Variants in CCNJL observed in about 807,000 individuals in gnomAD.
CCNJL encodes the protein cyclin-J-like protein.
Under a neutral mutation model 33.4 loss-of-function variants are expected in CCNJL, and 33 were observed. That is an observed-to-expected ratio of 0.99 (90% CI 0.75 to 1.32). The LOEUF (loss-of-function observed/expected upper bound fraction) is 1.32. CCNJL is among the 40% of genes most tolerant of loss of function. The probability of loss-of-function intolerance (pLI) is 0.00; values close to 1 mark genes in which losing one functional copy is unlikely to be tolerated. For missense variants in CCNJL, 512 were observed against 499.7 expected, an observed-to-expected ratio of 1.02 and a Z score of -0.23; for synonymous variants, 227 against 220.9, an observed-to-expected ratio of 1.03 and a Z score of -0.24.
intron 3 of CCNJL, among the ~76,000 whole-genome samples, chr5:160,268,427 G>C (rs1485258755): frequency 6.6e-6 from 1 of 152,234 alleles, no homozygotes; most frequent in Non-Finnish European, 1.5e-5. Context: ...TAGAATTGTG[G>C]TGAGGGTGAC....
At chr5:160,297,550 C>G (rs1005073746) in intron 2 of CCNJL, among the ~76,000 whole-genome samples, 1 of 151,066 alleles carries the variant, frequency 6.6e-6, no homozygotes, top group East Asian at 1.9e-4. Flanking sequence ...TGCAGTGGTT[C>G]ACGCCTGTAA....
At chr5:160,274,134 A>G (rs1174061861) in intron 3 of CCNJL, among the ~76,000 whole-genome samples, 1 of 152,108 alleles carries the variant, frequency 6.6e-6, no homozygotes, top group African/African-American at 2.4e-5. Context: ...ATCTCACTTT[A>G]CAAGTGAGTA....
At chr5:160,262,149 G>A (rs768399311) in intron 3 of CCNJL, among the ~76,000 whole-genome samples, 4 of 152,060 alleles carry the variant, frequency 2.6e-5, no homozygotes, top group South Asian at 2.1e-4. Context: ...CAGCAGAAAC[G>A]AGCTCTTTCC....
chr5:160,307,417 A>G (rs1166424444), intron 2 of CCNJL, among the ~76,000 whole-genome samples: 4 of 152,200 alleles, frequency 2.6e-5, no homozygotes, highest in Non-Finnish European at 5.9e-5. Context: ...CTCAAGCTGC[A>G]TACCATCCAA....
chr5:160,266,451 A>C (rs900489479), intron 3 of CCNJL, among the ~76,000 whole-genome samples: 1 of 152,232 alleles, frequency 6.6e-6, no homozygotes, highest in African/African-American at 2.4e-5. Flanking sequence ...GACCAGGGAC[A>C]GCCAGGATTC....
At chr5:160,254,996 C>T (rs1199389358) in intron 5 of CCNJL, 1 of 152,214 alleles carries the variant, frequency 6.6e-6, no homozygotes, top group African/African-American at 2.4e-5. Flanking sequence ...AAACAGCCCG[C>T]TTCTCCCTTG....
intron 1 of CCNJL, among the ~76,000 whole-genome samples, chr5:160,335,513 AAAGCC>A (rs1763670663): frequency 6.6e-6 from 1 of 152,134 alleles, no homozygotes; most frequent in South Asian, 2.1e-4. Context: ...CCATCTTGCT[AAAGCC>A]AATGGTCAAC....
At chr5:160,261,627 TCCC>T (rs569548985) in intron 3 of CCNJL, among the ~76,000 whole-genome samples, 135 of 138,278 alleles carry the variant, frequency 9.8e-4, no homozygotes, top group African/African-American at 3.5e-3. Context: ...CCCCCCATAC[TCCC>T]CCCAACACTC....
intron 1 of CCNJL, among the ~76,000 whole-genome samples, chr5:160,323,965 A>G (rs2080989394): frequency 6.6e-6 from 1 of 152,116 alleles, no homozygotes; most frequent in South Asian, 2.1e-4. Context: ...TATCCCCAAG[A>G]CTCTTCTGGT....
chr5:160,319,120 T>C (rs1445172806), intron 1 of CCNJL, among the ~76,000 whole-genome samples: 1 of 152,226 alleles, frequency 6.6e-6, no homozygotes, highest in Non-Finnish European at 1.5e-5. Context: ...TCTCTTTCTC[T>C]TTTGTTTTAA....
chr5:160,337,268 G>T (rs183139168), intron 1 of CCNJL, among the ~76,000 whole-genome samples: 24 of 151,114 alleles, frequency 1.6e-4, no homozygotes, highest in Non-Finnish European at 2.9e-4. Flanking sequence ...CTTCTGTCTC[G>T]CCTCGCCTCC....
At chr5:160,313,596 A>C (rs1763338356), upstream of CCNJL, among the ~76,000 whole-genome samples, 1 of 152,248 alleles carries the variant, frequency 6.6e-6, no homozygotes, top group African/African-American at 2.4e-5. Flanking sequence ...CTTGAAGAGC[A>C]GTTTTAATGT....
intron 3 of CCNJL, among the ~76,000 whole-genome samples, chr5:160,278,999 C>CA (rs1231321969): frequency 6.6e-6 from 1 of 152,160 alleles, no homozygotes; most frequent in Non-Finnish European, 1.5e-5. Context: ...GAAAAATCAC[C>CA]AAATGTGGGG....
Position 160,250,116 on chromosome 5 carries a change from G to A in CCNJL, c.*3262C>T, listed in dbSNP as rs1006467530. On this transcript the variant is annotated 3_prime_UTR_variant, in exon 6 of 6. Coordinates refer to ENST00000257536, the MANE Select transcript of CCNJL (RefSeq NM_001308173.3). The stretch of plus-strand genomic sequence containing the variant: ...TCTTACATGGGAGTGCCCAAGGGTG[G>A]AAGAAATACAAGTGGATCCCTCTGG... 1 of 152,170 alleles carries A rather than the reference G, an allele frequency of 6.6e-6. No homozygotes were observed. The highest frequency in any genetic ancestry group is 2.4e-5 in the African/African-American group (1 of 41,436). The allele number at this position is 152,170 out of a possible 1,614,324, so 9.4% of individuals were successfully genotyped here.
rs1160380722 is a variant in CCNJL, at chr5:160,259,613, G to A, written c.439C>T (p.Pro147Ser). The A allele has an allele frequency of 6.2e-7, 1 of 1,614,172 alleles. No homozygotes were observed. The highest frequency in any genetic ancestry group is 1.7e-5 in the Admixed American group (1 of 60,026). Residue 147 changes from proline (P) to serine (S), a missense_variant, in exon 4 of 6, where the codon CCT (proline) becomes TCT (serine). Physicochemically the swap from Pro to Ser is moderately conservative, Grantham distance 74 (BLOSUM62 -1). Coordinates refer to ENST00000257536, the MANE Select transcript of CCNJL (RefSeq NM_001308173.3). ...AFSWNLCLPT[P>S]AHFLDYYLLA... Reference sequence around the variant, plus strand: ...AGGTAGTAGTCCAGGAAGTGGGCAGGCGTGGGCAGGCAGAGGTTCCAGCTG... The same window carrying A: ...AGGTAGTAGTCCAGGAAGTGGGCAGACGTGGGCAGGCAGAGGTTCCAGCTG...
chr5:160,254,313 G>C, intron 5 of CCNJL: 1 of 670,762 alleles, frequency 1.5e-6, no homozygotes. Context: ...CTGGGGCCTA[G>C]GATTTTTCAT....
intron 3 of CCNJL, among the ~76,000 whole-genome samples, chr5:160,270,235 G>A (rs888490657): frequency 6.6e-6 from 1 of 152,194 alleles, no homozygotes; most frequent in Admixed American, 6.5e-5. Context: ...CTTGAGGCCA[G>A]GAGTTCAAGA....
intron 2 of CCNJL, among the ~76,000 whole-genome samples, chr5:160,300,908 G>A (rs1762900408): frequency 6.6e-6 from 1 of 152,104 alleles, no homozygotes; most frequent in African/African-American, 2.4e-5. Context: ...AATATCCAGG[G>A]TTAGCAAAGT....
intron 2 of CCNJL, among the ~76,000 whole-genome samples, chr5:160,282,982 T>TATATATATATATATATATATATAC (rs1762275455): frequency 1.4e-5 from 1 of 69,588 alleles, no homozygotes; most frequent in African/African-American, 6.4e-5. Context: ...TATATATATA[T>TATATATATATATATATATATATAC]ATATATATAT....
Sources: gnomAD v4.1 joint callset for allele counts (sites outside exome capture counted in the v4.1 genomes callset) on GRCh38, gnomAD v4.1.1 for gene constraint, MANE v1.5 for transcripts, NCBI Gene and HGNC (gene_info 2026-07-23, HGNC 2026-07-21) for gene names.